NELL2: variants seen among roughly 807,000 people sequenced by gnomAD.
NELL2 encodes protein kinase C-binding protein NELL2.
Under a neutral mutation model 109.6 loss-of-function variants are expected in NELL2, and 41 were observed. The observed-to-expected ratio is 0.37, with a 90% CI of 0.29 to 0.49. The LOEUF (loss-of-function observed/expected upper bound fraction) is 0.49. Among genes scored for constraint, NELL2 ranks in the 20% least tolerant of loss-of-function variants. The pLI, the probability that NELL2 is intolerant of heterozygous loss-of-function variation, is 0.98. For missense variants in NELL2, 900 were observed against 1,008.3 expected (o/e 0.89, Z 1.45); for synonymous variants, 355 against 344.7 (o/e 1.03, Z -0.33).
At chr12:44,547,127 C>T (rs1227166671) in intron 15 of NELL2, among the ~76,000 whole-genome samples, 1 of 152,144 alleles carries the variant, frequency 6.6e-6, no homozygotes, top group Non-Finnish European at 1.5e-5. Context: ...TGTGGCAGAA[C>T]ATATCATCCT....
chr12:44,658,661 G>C (rs1000278683), intron 13 of NELL2, among the ~76,000 whole-genome samples: 2 of 151,922 alleles, frequency 1.3e-5, no homozygotes, highest in Admixed American at 1.3e-4. Flanking sequence ...GGGATCACCA[G>C]GTCAGGAGAT....
At chr12:44,802,865 T>C (rs1023084778) in intron 3 of NELL2, among the ~76,000 whole-genome samples, 1 of 152,020 alleles carries the variant, frequency 6.6e-6, no homozygotes, top group Non-Finnish European at 1.5e-5. Context: ...CAGGTGGGCA[T>C]GGTCAAGGGA....
chr12:44,867,494 G>A (rs2136824271), intron 2 of NELL2, among the ~76,000 whole-genome samples: 1 of 152,174 alleles, frequency 6.6e-6, no homozygotes, highest in East Asian at 1.9e-4. Flanking sequence ...ATAAAGTTCA[G>A]ATATAACAAA....
intron 3 of NELL2, among the ~76,000 whole-genome samples, chr12:44,815,307 T>C (rs1465361654): frequency 3.3e-5 from 5 of 152,262 alleles, no homozygotes; most frequent in South Asian, 2.1e-4. Context: ...CTGCCAACTA[T>C]GAGGTAAAAA....
At chr12:44,570,519 T>C (rs1191226077) in intron 15 of NELL2, among the ~76,000 whole-genome samples, 1 of 152,196 alleles carries the variant, frequency 6.6e-6, no homozygotes, top group African/African-American at 2.4e-5. Flanking sequence ...ATTGGATGTA[T>C]GCATCAATCC....
chr12:44,720,811 T>G (rs1938729395), intron 9 of NELL2, among the ~76,000 whole-genome samples: 1 of 152,196 alleles, frequency 6.6e-6, no homozygotes, highest in South Asian at 2.1e-4. Flanking sequence ...AGAAGTGAGA[T>G]CTTGATAGTA....
chr12:44,679,799 C>A (rs772391871), intron 12 of NELL2, among the ~76,000 whole-genome samples: 3 of 152,112 alleles, frequency 2.0e-5, no homozygotes, highest in Non-Finnish European at 4.4e-5. Context: ...CTCCGCCAAT[C>A]TAAATTGGAG....
chr12:44,807,923 G>C (rs1943056167), intron 3 of NELL2, among the ~76,000 whole-genome samples: 1 of 152,118 alleles, frequency 6.6e-6, no homozygotes, highest in African/African-American at 2.4e-5. Context: ...TGTCCATAGG[G>C]AGCGAAGAGA....
chr12:44,658,122 C>T (rs1947581164), intron 13 of NELL2, among the ~76,000 whole-genome samples: 1 of 152,146 alleles, frequency 6.6e-6, no homozygotes, highest in Admixed American at 6.5e-5. Flanking sequence ...CTTATTTCTC[C>T]ACATCCTCTC....
At chr12:44,585,993 C>T (rs1409859513) in intron 15 of NELL2, among the ~76,000 whole-genome samples, 2 of 151,510 alleles carry the variant, frequency 1.3e-5, no homozygotes, top group Non-Finnish European at 2.9e-5. Context: ...AATTCACACC[C>T]ATATGCTGTT....
In NELL2 at chr12:44,549,839, A is replaced by G. The variant is rs554524832; in HGVS notation, c.1664-17118T>C. Among the ~76,000 whole-genome samples the G allele has an allele frequency of 4.6e-5, 7 of 152,326 alleles. No individual in the cohort carries two copies. The East Asian group carries it at 1.2e-3, about 25-fold the overall frequency. ...GCTACCCAAAGCAATCTACAAAGCC[A>G]ATGTATTCCTATCAAAACTCCAATA... is the stretch of plus-strand genomic sequence containing the variant. On this transcript the variant is annotated intron_variant, in intron 15 of 19. Coordinates refer to ENST00000429094, the MANE Select transcript of NELL2 (RefSeq NM_001145108.2).
At chr12:44,611,681 G>C (rs952823639) in intron 13 of NELL2, among the ~76,000 whole-genome samples, 2 of 152,076 alleles carry the variant, frequency 1.3e-5, no homozygotes, top group African/African-American at 4.8e-5. Context: ...CCCTGTGGGA[G>C]AGGCAGAACC....
At chr12:44,613,330 T>C (rs55985078) in intron 13 of NELL2, among the ~76,000 whole-genome samples, 17,793 of 152,138 alleles carry the variant, frequency 0.12, 1,223 homozygotes, top group East Asian at 0.2. Flanking sequence ...TTTTGTATTT[T>C]TCTTTGTATC....
chr12:44,868,399 T>C (rs149954995), intron 2 of NELL2, among the ~76,000 whole-genome samples: 35 of 152,310 alleles, frequency 2.3e-4, no homozygotes, highest in Admixed American at 7.2e-4. Context: ...CTTATTAAAA[T>C]TCCAATGACA....
At chr12:44,826,038 G>A (rs1012435337) in intron 2 of NELL2, among the ~76,000 whole-genome samples, 2 of 151,434 alleles carry the variant, frequency 1.3e-5, no homozygotes, top group Admixed American at 6.6e-5. Flanking sequence ...GTGAAACTCC[G>A]TCAAAAAAAA....
chr12:44,823,203 T>C (rs1943599697), intron 2 of NELL2, among the ~76,000 whole-genome samples: 2 of 152,226 alleles, frequency 1.3e-5, no homozygotes, highest in Non-Finnish European at 2.9e-5. Flanking sequence ...AAATGATTAC[T>C]ACCATCAAGC....
intron 9 of NELL2, among the ~76,000 whole-genome samples, chr12:44,727,160 A>G (rs748404254): frequency 2.6e-5 from 4 of 152,150 alleles, no homozygotes; most frequent in African/African-American, 4.8e-5. Flanking sequence ...TATCAACTGG[A>G]CTTGCACATA....
chr12:44,902,647 A>G (rs1364937854), intron 1 of NELL2, among the ~76,000 whole-genome samples: 1 of 152,232 alleles, frequency 6.6e-6, no homozygotes, highest in Non-Finnish European at 1.5e-5. Context: ...ACCTGACTTC[A>G]AACTATACTA....
intron 13 of NELL2, among the ~76,000 whole-genome samples, chr12:44,634,787 G>T (rs1214913392): frequency 6.6e-6 from 1 of 152,030 alleles, no homozygotes; most frequent in African/African-American, 2.4e-5. Flanking sequence ...ACACTCCCAC[G>T]AACAGTGTAA....
Sources: gnomAD v4.1 joint callset for allele counts (sites outside exome capture counted in the v4.1 genomes callset) on GRCh38, gnomAD v4.1.1 for gene constraint, MANE v1.5 for transcripts, NCBI Gene and HGNC (gene_info 2026-07-23, HGNC 2026-07-21) for gene names.